The following CARM1 variants were observed in gnomAD, a reference collection of about 807,000 sequenced individuals.
CARM1 encodes the protein coactivator associated arginine methyltransferase 1.
In CARM1, 14 loss-of-function variants were observed where a neutral mutation model predicts 72.7. That is an observed-to-expected ratio of 0.19 (90% confidence interval 0.13 to 0.30). CARM1 has a LOEUF of 0.30. Ranked by LOEUF, CARM1 falls within the 10% of genes least tolerant of loss-of-function variation. The pLI, the probability that CARM1 is intolerant of heterozygous loss-of-function variation, is 1.00. For synonymous variants in CARM1, 333 were observed against 345.5 expected, an observed-to-expected ratio of 0.96 and a Z score of 0.40; for missense variants, 432 against 833.7, an observed-to-expected ratio of 0.52 and a Z score of 5.93.
intron 8 of CARM1, among the ~76,000 whole-genome samples, chr19:10,917,142 G>A (rs1375135122): frequency 1.3e-5 from 2 of 152,022 alleles, no homozygotes; most frequent in Non-Finnish European, 2.9e-5. Context: ...GTGATTTATT[G>A]ATTGATTTTA....
At chr19:10,921,526 C>G in intron 15 of CARM1, 83 bp downstream of exon 15, 1 of 1,568,324 alleles carries the variant, frequency 6.4e-7, no homozygotes, top group Non-Finnish European at 8.7e-7. Context: ...CCCGCCTGCC[C>G]TCTTGCCTGC....
intron 1 of CARM1, among the ~76,000 whole-genome samples, chr19:10,897,078 T>G (rs1468207895): frequency 6.6e-6 from 1 of 152,224 alleles, no homozygotes; most frequent in African/African-American, 2.4e-5. Context: ...CAATATTTAC[T>G]GTCTGGTCCT....
Position 10,873,624 on chromosome 19 carries a change from G to GTTTTTTTTTT in CARM1, c.220+1726_220+1735dup, listed in dbSNP as rs1169565864. Among the ~76,000 whole-genome samples, 17 of 47,344 alleles carry GTTTTTTTTTT rather than the reference G, an allele frequency of 3.6e-4. 1 individual carries two copies. Among genetic ancestry groups the GTTTTTTTTTT allele is most frequent in the Admixed American group, 1.1e-3 (3 of 2,678 alleles). The allele number at this position is 47,344 out of a possible 152,430, so 31.1% of individuals were successfully genotyped here. ...TTTTTTTTAGAACAATTTTAGTTTA[G>GTTTTTTTTTT]TTTTTTTTTTTTTTTTTTTTTTTTT... is the stretch of plus-strand genomic sequence containing the variant. On this transcript the variant is annotated intron_variant, in intron 1 of 15. Transcript: ENST00000327064.
intron 1 of CARM1, among the ~76,000 whole-genome samples, chr19:10,900,849 A>G (rs1039292502): frequency 4.0e-5 from 6 of 151,536 alleles, no homozygotes; most frequent in Non-Finnish European, 5.9e-5. Context: ...ACACCCGGCT[A>G]ATTTTTTGTA....
intron 5 of CARM1, among the ~76,000 whole-genome samples, chr19:10,913,422 C>T (rs898294364): frequency 1.3e-5 from 2 of 151,858 alleles, no homozygotes; most frequent in Admixed American, 1.3e-4. Flanking sequence ...CCTGTAGTCC[C>T]AGCTACTCGG....
rs879648935 is a variant in CARM1 at position 10,922,005 on chromosome 19, C to A, written c.*248C>A. On this transcript the variant is annotated 3_prime_UTR_variant, in exon 16 of 16. Coordinates refer to ENST00000327064, the MANE Select transcript of CARM1 (RefSeq NM_199141.2). ...AATCATGTTGTGGGAGCCCTCGTCC[C>A]CCCTCCTGCCCGCTCTACCCTGACC... The A allele has an allele frequency of 5.1e-5, 21 of 409,390 alleles. No individual in the cohort carries two copies. The highest frequency in any genetic ancestry group is 8.0e-5 in the Non-Finnish European group (18 of 226,016). The allele number at this position is 409,390 out of a possible 1,614,324, so 25.4% of individuals were successfully genotyped here.
chr19:10,921,380 A>G lies in CARM1; in HGVS notation c.1621A>G (p.Thr541Ala). The G allele has an allele frequency of 1.9e-6, 3 of 1,609,972 alleles. No individual in the cohort carries two copies. The highest frequency in any genetic ancestry group is 2.5e-6 in the Non-Finnish European group (3 of 1,178,920). Residue 541 changes from threonine to alanine, a missense_variant, in exon 15 of 16, where the codon ACG (threonine) becomes GCG (alanine). Thr to Ala is a moderately conservative substitution (Grantham distance 58, BLOSUM62 0). Around this residue, in one of 3 missense-constraint regions of CARM1, gnomAD observed 142 missense variants for 188.7 expected, o/e 0.75. Transcript: ENST00000327064. The part of the protein sequence containing the change: ...GHNNLIPLAN[T>A]GIVNHTHSRM... Reference sequence around the variant, plus strand: ...TCCTCCCTCTCGCTGCGCAGCCAACACGGGGATTGTCAATCACACCCACTC... The same window carrying G: ...TCCTCCCTCTCGCTGCGCAGCCAACGCGGGGATTGTCAATCACACCCACTC...
chr19:10,872,062 C>A, intron 1 of CARM1, 140 bp downstream of exon 1: 2 of 704,232 alleles, frequency 2.8e-6, no homozygotes, highest in Non-Finnish European at 3.8e-6. Context: ...CTGCAGGGAG[C>A]GACCGTGGAG....
Position 10,896,175 on chromosome 19 carries a change from T to C in CARM1, c.221-8776T>C, listed in dbSNP as rs1317467083. Among the ~76,000 whole-genome samples the C allele has an allele frequency of 6.6e-6, 1 of 151,954 alleles. No homozygotes were observed. The highest frequency in any genetic ancestry group is 1.5e-5 in the Non-Finnish European group (1 of 67,962). On this transcript the variant is annotated intron_variant, in intron 1 of 15. Coordinates refer to ENST00000327064, the MANE Select transcript of CARM1 (RefSeq NM_199141.2). This position sits in a 1 kb window ranked among gnomAD's most constrained non-coding sequence, Gnocchi z 5.2. ...TGGTATGTCGCCCGGCACCATCTGC[T>C]CAGTGAGACCCTTGAGAGACGTCTC... is the stretch of plus-strand genomic sequence containing the variant.
At chr19:10,909,465 G>A (rs2074129742) in intron 4 of CARM1, among the ~76,000 whole-genome samples, 1 of 150,960 alleles carries the variant, frequency 6.6e-6, no homozygotes, top group African/African-American at 2.4e-5. Context: ...GCCAGGCGCG[G>A]TGGCTCACGC....
At chr19:10,897,869 G>A (rs547436117) in intron 1 of CARM1, among the ~76,000 whole-genome samples, 8 of 152,086 alleles carry the variant, frequency 5.3e-5, no homozygotes, top group Non-Finnish European at 1.0e-4. Flanking sequence ...ACTTTGGGAG[G>A]CTGAGGCAGG....
intron 1 of CARM1, among the ~76,000 whole-genome samples, chr19:10,880,321 G>A (rs1289775943): frequency 6.6e-6 from 1 of 152,074 alleles, no homozygotes; most frequent in Non-Finnish European, 1.5e-5. Context: ...GTTTCCATCA[G>A]TTCCATCAGC....
At position 10,916,603 on chromosome 19, in the gene CARM1, C is replaced by A; in HGVS notation, c.939-93C>A. 2 of 1,389,260 alleles carry A rather than the reference C, an allele frequency of 1.4e-6. No homozygotes were observed. The highest frequency in any genetic ancestry group is 1.2e-5 in the South Asian group (1 of 81,558). 86.1% of individuals were successfully genotyped at this position (1,389,260 alleles called of 1,614,324 possible). On this transcript the variant is annotated intron_variant, in intron 7 of 15. Coordinates refer to ENST00000327064, the MANE Select transcript of CARM1 (RefSeq NM_199141.2). The surrounding 1 kb of genome is among the most constrained non-coding windows in gnomAD (Gnocchi z 4.4). ...CTCCTCTTTTTCTGAAAGACTTGGG[C>A]TAGATGAGGGCTGACTGGGAGAGAA...
rs577235054 is a variant in CARM1, at chr19:10,875,374, C to G, written c.220+3452C>G. On this transcript the variant is annotated intron_variant, in intron 1 of 15. Transcript: ENST00000327064. ...AGATGGAGTCTCGCCGTGTTATAGG[C>G]TGGTCTCGAACTCCTAGGCTCAAGT... Among the ~76,000 whole-genome samples, 31 of 151,812 alleles carry G rather than the reference C, an allele frequency of 2.0e-4. No individual in the cohort carries two copies. In the South Asian group the frequency reaches 6.5e-3, roughly 32 times the overall value.
chr19:10,921,005 T>C, intron 13 of CARM1, 45 bp from the exon 14 acceptor site: 2 of 1,612,486 alleles, frequency 1.2e-6, no homozygotes, highest in Non-Finnish European at 8.5e-7. Flanking sequence ...GCCGCAGGCC[T>C]GGCCCCTCTG....
chr19:10,908,455 C>G (rs561043872), intron 3 of CARM1: 1 of 308,106 alleles, frequency 3.2e-6, no homozygotes, highest in East Asian at 7.1e-5. Context: ...CCCTGCATGC[C>G]AGGCCCTGGT....
intron 1 of CARM1, among the ~76,000 whole-genome samples, chr19:10,877,384 C>G (rs745464503): frequency 1.6e-4 from 24 of 152,100 alleles, no homozygotes; most frequent in Non-Finnish European, 2.8e-4. Flanking sequence ...ATAAATTAGG[C>G]CTATGGGCCA....
At position 10,921,034 on chromosome 19, in the gene CARM1, C is replaced by G. The variant is rs771101516; in HGVS notation, c.1538-16C>G. On this transcript the variant is annotated splice_polypyrimidine_tract_variant and intron_variant, in intron 13 of 15. Transcript: ENST00000327064. ...CCCTCTGCCTCCAGCCCTGACGTCT[C>G]CCTCTCTGGACACAGGGATGCCGAC... 1 of 1,613,956 alleles carries G rather than the reference C, an allele frequency of 6.2e-7. No individual in the cohort carries two copies. Among genetic ancestry groups the G allele is most frequent in the East Asian group, 2.2e-5 (1 of 44,870 alleles).
In CARM1 at chr19:10,921,800, G is replaced by A; in HGVS notation, c.*43G>A. 6.5e-7 allele frequency: 1 copy of A among 1,538,544 alleles called. No individual in the cohort carries two copies. The highest frequency in any genetic ancestry group is 8.8e-7 in the Non-Finnish European group (1 of 1,138,134). On this transcript the variant is annotated 3_prime_UTR_variant, in exon 16 of 16. Coordinates refer to ENST00000327064, the MANE Select transcript of CARM1 (RefSeq NM_199141.2). ...TGACAGCACCAGGAAACCAAATGATGTCCCTGCCCGCCGCCCCCGCCGGGC... is the reference window on the plus strand; with the variant it reads ...TGACAGCACCAGGAAACCAAATGATATCCCTGCCCGCCGCCCCCGCCGGGC...
Sources: gnomAD v4.1 joint callset for allele counts (sites outside exome capture counted in the v4.1 genomes callset) on GRCh38, gnomAD v4.1.1 for gene constraint, gnomAD v4.1.1 regional missense constraint, Gnocchi (gnomAD v3.1) non-coding constraint, MANE v1.5 for transcripts, NCBI Gene and HGNC (gene_info 2026-07-23, HGNC 2026-07-21) for gene names.